Variants in OXR1 observed in about 807,000 individuals in gnomAD.
OXR1 encodes oxidation resistance 1, also known as oxidation resistance protein 1.
Under a neutral mutation model 104.6 loss-of-function variants are expected in OXR1, and 41 were observed. The observed-to-expected ratio is 0.39, with a 90% CI of 0.31 to 0.51. OXR1 has a LOEUF of 0.51. Ranked by LOEUF, OXR1 falls within the 20% of genes least tolerant of loss-of-function variation. The pLI, the probability that OXR1 is intolerant of heterozygous loss-of-function variation, is 0.77. For missense variants in OXR1, 955 were observed against 1,031.9 expected (o/e 0.93, Z 1.02); for synonymous variants, 348 against 348.4 (o/e 1.00, Z 0.01).
chr8:106,539,605 A>G (rs977810538), intron 3 of OXR1, among the ~76,000 whole-genome samples: 1 of 152,258 alleles, frequency 6.6e-6, no homozygotes. Context: ...GGGATGTAGT[A>G]TGAATTCTTT....
At chr8:106,318,967 AT>A (rs1814098980) in intron 1 of OXR1, among the ~76,000 whole-genome samples, 1 of 152,206 alleles carries the variant, frequency 6.6e-6, no homozygotes, top group African/African-American at 2.4e-5. Flanking sequence ...TATCAATCTT[AT>A]TGCTTAAGTG....
At chr8:106,298,923 A>ATG (rs36103627) in intron 1 of OXR1, among the ~76,000 whole-genome samples, 94,045 of 150,054 alleles carry the variant, frequency 0.63, 31,160 homozygotes, top group African/African-American at 0.87. Flanking sequence ...TTATATATAT[A>ATG]TGTGTGTGTG....
chr8:106,629,003 A>G (rs569319546), intron 3 of OXR1, among the ~76,000 whole-genome samples: 3 of 152,276 alleles, frequency 2.0e-5, no homozygotes, highest in South Asian at 4.1e-4. Context: ...CAGCTAGATT[A>G]TGAAAGAGCA....
chr8:106,522,537 T>C (rs1813339232), intron 3 of OXR1, among the ~76,000 whole-genome samples: 7 of 152,164 alleles, frequency 4.6e-5, no homozygotes, highest in Admixed American at 4.6e-4. Flanking sequence ...TAAAATTCCA[T>C]TGATTTAGAA....
intron 1 of OXR1, among the ~76,000 whole-genome samples, chr8:106,312,400 G>A (rs897388691): frequency 5.3e-5 from 8 of 152,206 alleles, no homozygotes; most frequent in Non-Finnish European, 1.2e-4. Flanking sequence ...TGAGCAAGAC[G>A]GGAAAACGAG....
At chr8:106,274,140 C>T (rs777464089) in intron 1 of OXR1, among the ~76,000 whole-genome samples, 1 of 152,066 alleles carries the variant, frequency 6.6e-6, no homozygotes, top group African/African-American at 2.4e-5. Flanking sequence ...GTAAGAATGT[C>T]GTATAATTTT....
At position 106,392,933 on chromosome 8, in the gene OXR1, T is replaced by C. The variant is rs555900324; in HGVS notation, c.23+33297T>C. ...TGTTGTTCTTTAGATTTTCTTGCCA[T>C]ACGCAGCTTCAAAACAATTACCCAA... On this transcript the variant is annotated intron_variant, in intron 2 of 16. Transcript: ENST00000517566. 4.6e-5 allele frequency among the ~76,000 whole-genome samples: 7 copies of C among 152,336 alleles called. No individual in the cohort carries two copies. The East Asian group carries it at 1.3e-3, about 29-fold the overall frequency.
At chr8:106,566,881 C>T (rs1210133667) in intron 3 of OXR1, among the ~76,000 whole-genome samples, 2 of 152,050 alleles carry the variant, frequency 1.3e-5, no homozygotes, top group Non-Finnish European at 2.9e-5. Context: ...AATCAAACAG[C>T]GCATGTTCTC....
rs1834987711 is a variant in OXR1, at chr8:106,742,317, G to A, written c.2412G>A (p.Glu804=). The A allele has an allele frequency of 1.9e-6, 3 of 1,557,896 alleles. No homozygotes were observed. Among genetic ancestry groups the A allele is most frequent in the Non-Finnish European group, 2.7e-6 (3 of 1,131,568 alleles). Residue 804 remains glutamate, a splice_region_variant and synonymous_variant, in exon 15 of 17, where the codon GAG becomes GAA. Transcript: ENST00000517566. The part of the protein sequence containing the change: ...TFVFTFCPEF[E]VFKWTGDNMF... ...TTTTTACATTCTGTCCGGAGTTTGA[G>A]GTAAGAACCACTATTTCAATATTTT... is the stretch of plus-strand genomic sequence containing the variant.
rs563314581 is a variant in OXR1, at chr8:106,395,005, G to A, written c.23+35369G>A. 3.7e-4 allele frequency among the ~76,000 whole-genome samples: 56 copies of A among 151,550 alleles called. 2 individuals carry two copies. The South Asian group carries it at 0.011, about 31-fold the overall frequency. On this transcript the variant is annotated intron_variant, in intron 2 of 16. Transcript: ENST00000517566. ...ATGTTATAACCTCACTAAAAGTAGT[G>A]GGGGGAAAAGTAATTGACCTGAATA...
intron 2 of OXR1, among the ~76,000 whole-genome samples, chr8:106,452,751 T>C (rs1362695426): frequency 6.6e-6 from 1 of 152,198 alleles, no homozygotes; most frequent in Non-Finnish European, 1.5e-5. Flanking sequence ...TTGTTTGTTT[T>C]GAAACTTGTT....
chr8:106,632,967 G>A (rs922207925), intron 3 of OXR1, among the ~76,000 whole-genome samples: 1 of 150,442 alleles, frequency 6.6e-6, no homozygotes, highest in Non-Finnish European at 1.5e-5. Flanking sequence ...CGGGTGCGGT[G>A]GCTCACACCT....
chr8:106,493,923 A>G (rs1811259380), intron 2 of OXR1, among the ~76,000 whole-genome samples: 1 of 152,288 alleles, frequency 6.6e-6, no homozygotes, highest in African/African-American at 2.4e-5. Flanking sequence ...TAGCTCTGCA[A>G]GTTTACATGG....
chr8:106,411,503 A>G (rs534507329), intron 2 of OXR1, among the ~76,000 whole-genome samples: 2 of 152,318 alleles, frequency 1.3e-5, no homozygotes, highest in African/African-American at 4.8e-5. Flanking sequence ...GGAGACAAGT[A>G]AAAGATGCCT....
intron 2 of OXR1, among the ~76,000 whole-genome samples, chr8:106,422,424 T>C (rs1818943444): frequency 6.6e-6 from 1 of 152,176 alleles, no homozygotes; most frequent in Non-Finnish European, 1.5e-5. Context: ...TTTGAGATAA[T>C]ATAAATGTCC....
intron 1 of OXR1, among the ~76,000 whole-genome samples, chr8:106,335,918 A>T (rs958905294): frequency 6.6e-6 from 1 of 152,076 alleles, no homozygotes; most frequent in Non-Finnish European, 1.5e-5. Flanking sequence ...CAACATGGCA[A>T]AACACTGTCT....
chr8:106,614,739 T>C (rs1209888745), intron 3 of OXR1, among the ~76,000 whole-genome samples: 1 of 152,324 alleles, frequency 6.6e-6, no homozygotes, highest in East Asian at 1.9e-4. Flanking sequence ...CTTATAGATA[T>C]GACATATAGA....
At chr8:106,560,074 A>G (rs1207444781) in intron 3 of OXR1, among the ~76,000 whole-genome samples, 4 of 152,156 alleles carry the variant, frequency 2.6e-5, no homozygotes, top group Non-Finnish European at 5.9e-5. Context: ...ACCGAGAAAC[A>G]TGAAACTAGA....
intron 16 of OXR1, among the ~76,000 whole-genome samples, chr8:106,750,324 C>CTTTTTTTTTTTTTTT (rs35858491): frequency 6.5e-5 from 9 of 138,184 alleles, no homozygotes; most frequent in African/African-American, 2.2e-4. Flanking sequence ...CTTTTCTTTT[C>CTTTTTTTTTTTTTTT]TTTTTTTTTT....
Sources: gnomAD v4.1 joint callset for allele counts (sites outside exome capture counted in the v4.1 genomes callset) on GRCh38, gnomAD v4.1.1 for gene constraint, MANE v1.5 for transcripts, NCBI Gene and HGNC (gene_info 2026-07-23, HGNC 2026-07-21) for gene names.